Variants in CLIC5 observed in about 807,000 individuals in gnomAD.
CLIC5 encodes the protein CLIC family member 5, also known as chloride intracellular channel protein 5.
Under a neutral mutation model 24.7 loss-of-function variants are expected in CLIC5, and 20 were observed. That is an observed-to-expected ratio of 0.81 (90% CI 0.57 to 1.18). CLIC5 has a LOEUF of 1.18. Among genes scored for constraint, CLIC5 ranks in the 50% most tolerant of loss-of-function variants. The probability of loss-of-function intolerance (pLI) is 0.00; values close to 1 mark genes in which losing one functional copy is unlikely to be tolerated. For synonymous variants in CLIC5, 159 were observed against 135.6 expected, an observed-to-expected ratio of 1.17 and a Z score of -1.20; for missense variants, 341 against 326.1, an observed-to-expected ratio of 1.05 and a Z score of -0.35.
chr6:45,885,593 T>C (rs535818749), intron 6 of CLIC5, among the ~76,000 whole-genome samples: 1 of 152,306 alleles, frequency 6.6e-6, no homozygotes, highest in Non-Finnish European at 1.5e-5. Flanking sequence ...CCATTGCGGA[T>C]ACAAATCTGA....
chr6:45,973,411 A>T (rs1403801372), intron 1 of CLIC5, among the ~76,000 whole-genome samples: 1 of 152,222 alleles, frequency 6.6e-6, no homozygotes, highest in Admixed American at 6.5e-5. Flanking sequence ...GCTTGCAGCT[A>T]ACTCTTTCTT....
the CLIC5 span, among the ~76,000 whole-genome samples, chr6:46,124,454 T>C: frequency 6.6e-6 from 1 of 151,926 alleles, no homozygotes; most frequent in Admixed American, 6.6e-5. Flanking sequence ...TAAATGTTAG[T>C]CCTAAAACCA....
the CLIC5 span, among the ~76,000 whole-genome samples, chr6:46,088,462 T>C: frequency 6.6e-6 from 1 of 152,162 alleles, no homozygotes; most frequent in Non-Finnish European, 1.5e-5. Context: ...GTCAAAGATG[T>C]ATGTATTTTA....
rs201705755 is a variant in CLIC5, at chr6:45,901,767, C to CT, written c.*1320dup. 17,586 of 149,000 alleles carry CT rather than the reference C, an allele frequency of 0.12. 1,576 individuals are homozygous for CT. Among genetic ancestry groups the CT allele is most frequent in the African/African-American group, 0.25 (10,029 of 40,586 alleles). 9.2% of individuals were successfully genotyped at this position (149,000 alleles called of 1,614,324 possible). ...TGAAATATTAGCTTAAAAATTTTTC[C>CT]TTTTTTTTTTCACCTGGCAGTTGAG... is the stretch of plus-strand genomic sequence containing the variant. On this transcript the variant is annotated 3_prime_UTR_variant, in exon 6 of 6. Transcript: ENST00000339561.
the CLIC5 span, among the ~76,000 whole-genome samples, chr6:46,124,551 G>C: frequency 1.1e-4 from 16 of 152,290 alleles, no homozygotes; most frequent in South Asian, 3.1e-3. Context: ...AAAAGCAACG[G>C]CAACAAAAGC....
chr6:46,088,161 CTGTGTG>C, the CLIC5 span, among the ~76,000 whole-genome samples: 42 of 146,440 alleles, frequency 2.9e-4, no homozygotes, highest in Middle Eastern at 3.4e-3. Flanking sequence ...CGCTCTCTTT[CTGTGTG>C]TGTGTGTGTG....
At chr6:46,086,482 C>A in the CLIC5 span, among the ~76,000 whole-genome samples, 1 of 152,194 alleles carries the variant, frequency 6.6e-6, no homozygotes, top group African/African-American at 2.4e-5. Flanking sequence ...GTTGAGAATT[C>A]TTAATGATGG....
chr6:45,905,479 G>A (rs1429722931), intron 5 of CLIC5, among the ~76,000 whole-genome samples: 2 of 109,806 alleles, frequency 1.8e-5, no homozygotes, highest in African/African-American at 4.2e-5. Context: ...GTGATACTGA[G>A]CTTTTTTTTT....
the CLIC5 span, among the ~76,000 whole-genome samples, chr6:46,114,417 G>A: frequency 4.6e-5 from 7 of 152,110 alleles, no homozygotes; most frequent in Non-Finnish European, 8.8e-5. Context: ...TATACTTATT[G>A]CACCTGAGTA....
chr6:45,927,745 T>A (rs915498531), intron 4 of CLIC5, among the ~76,000 whole-genome samples: 1 of 152,202 alleles, frequency 6.6e-6, no homozygotes, highest in African/African-American at 2.4e-5. Context: ...AAAAGTTTAC[T>A]GTCCTTTGAT....
chr6:45,950,570 CA>C (rs774158782), intron 2 of CLIC5, among the ~76,000 whole-genome samples: 7 of 151,936 alleles, frequency 4.6e-5, no homozygotes, highest in Non-Finnish European at 8.8e-5. Context: ...GACTCGGTCT[CA>C]AAACAACAAC....
intron 1 of CLIC5, among the ~76,000 whole-genome samples, chr6:45,996,079 T>C (rs1000780262): frequency 6.7e-6 from 1 of 149,928 alleles, no homozygotes; most frequent in Non-Finnish European, 1.5e-5. Context: ...CATGTTTACC[T>C]ATGTAACAAA....
chr6:45,978,639 A>G (rs1442929555), intron 1 of CLIC5, among the ~76,000 whole-genome samples: 1 of 152,150 alleles, frequency 6.6e-6, no homozygotes, highest in Admixed American at 6.5e-5. Flanking sequence ...CTTGGAGAAC[A>G]TCTGTACTAG....
At chr6:45,940,912 TG>T (rs941898208) in intron 4 of CLIC5, among the ~76,000 whole-genome samples, 4 of 152,106 alleles carry the variant, frequency 2.6e-5, no homozygotes, top group African/African-American at 7.2e-5. Context: ...TGAGCATAAC[TG>T]GGGGGGACTC....
intron 1 of CLIC5, among the ~76,000 whole-genome samples, chr6:46,048,836 G>A (rs1195813639): frequency 6.6e-6 from 1 of 152,206 alleles, no homozygotes; most frequent in Non-Finnish European, 1.5e-5. Flanking sequence ...TCAGGCACAT[G>A]CAGTGGCTTA....
In CLIC5 at chr6:45,949,284, A is replaced by G. The variant is rs147551973; in HGVS notation, c.271T>C (p.Phe91Leu). 6.2e-7 allele frequency: 1 copy of G among 1,613,640 alleles called. No homozygotes were observed. The highest frequency in any genetic ancestry group is 8.5e-7 in the Non-Finnish European group (1 of 1,179,796). ...VKTDVNKIEE[F>L]LEETLTPEKY... ...TCAGGGGTCAAGGTCTCCTCCAGGA[A>G]CTCCTCGATCTTATTGACGTCTGTC... The change falls in exon 3 of 6, where the codon TTC (phenylalanine) becomes CTC (leucine). Residue 91 changes from phenylalanine to leucine, a missense_variant. Physicochemically the swap from Phe to Leu is conservative, Grantham distance 22 (BLOSUM62 0). Transcript: ENST00000339561.
intron 2 of CLIC5, among the ~76,000 whole-genome samples, chr6:45,950,257 A>G (rs952497735): frequency 6.6e-6 from 1 of 152,206 alleles, no homozygotes; most frequent in African/African-American, 2.4e-5. Flanking sequence ...TAATGGCTAC[A>G]TGAATAAAGC....
intron 1 of CLIC5, among the ~76,000 whole-genome samples, chr6:46,028,654 T>A (rs1213000996): frequency 6.6e-6 from 1 of 152,174 alleles, no homozygotes; most frequent in African/African-American, 2.4e-5. Flanking sequence ...AGACTTTGTT[T>A]TTATAACAGT....
chr6:46,041,406 C>T lies in CLIC5; in HGVS notation c.540+38297G>A, dbSNP rs145109273. ...GTCGTGGTTGAATTGCAAACTATAC[C>T]TCAGTCCAAATAACTGGCTCCTAAC... On this transcript the variant is annotated intron_variant, in intron 1 of 5. Transcript: ENST00000185206. 6.0e-4 allele frequency among the ~76,000 whole-genome samples: 92 copies of T among 152,258 alleles called. 1 individual carries two copies. The highest frequency in any genetic ancestry group is 2.0e-3 in the African/African-American group (83 of 41,544).
Sources: gnomAD v4.1 joint callset for allele counts (sites outside exome capture counted in the v4.1 genomes callset) on GRCh38, gnomAD v4.1.1 for gene constraint, MANE v1.5 for transcripts, NCBI Gene and HGNC (gene_info 2026-07-23, HGNC 2026-07-21) for gene names.